Variants in DACH1 observed in about 807,000 individuals in gnomAD.
DACH1 encodes the protein dachshund family transcription factor 1, also known as dachshund homolog 1.
In DACH1, 12 loss-of-function variants were observed where a neutral mutation model predicts 54.2. The ratio of observed to expected loss-of-function variants is 0.22; its 90% CI spans 0.14 to 0.36. The LOEUF (loss-of-function observed/expected upper bound fraction) is 0.36. Among genes scored for constraint, DACH1 ranks in the 10% least tolerant of loss-of-function variants. DACH1 has a pLI of 1.00. For missense variants in DACH1, 805 were observed against 929.8 expected, an observed-to-expected ratio of 0.87 and a Z score of 1.75; for synonymous variants, 386 against 366.2, an observed-to-expected ratio of 1.05 and a Z score of -0.62.
intron 6 of DACH1, among the ~76,000 whole-genome samples, chr13:71,512,625 A>T (rs919482896): frequency 6.6e-6 from 1 of 151,968 alleles, no homozygotes; most frequent in Admixed American, 6.6e-5. Flanking sequence ...TTGGATCTCA[A>T]AGTGTTCAAT....
chr13:71,832,836 G>T (rs574442217), intron 1 of DACH1, among the ~76,000 whole-genome samples: 30 of 151,944 alleles, frequency 2.0e-4, no homozygotes, highest in African/African-American at 6.3e-4. Context: ...AAATGACCAA[G>T]CCAACATTAA....
intron 1 of DACH1, among the ~76,000 whole-genome samples, chr13:71,863,739 T>C (rs751236467): frequency 1.3e-5 from 2 of 151,754 alleles, no homozygotes; most frequent in Non-Finnish European, 2.9e-5. Context: ...ATAACATTTA[T>C]TATAATGCAG....
chr13:71,560,017 A>G (rs1884490441), intron 4 of DACH1, 62 bp from the exon 5 acceptor site: 29 of 1,416,850 alleles, frequency 2.0e-5, no homozygotes, highest in Non-Finnish European at 2.7e-5. Context: ...ATCTTTACTT[A>G]ATGAATGTTG....
At chr13:71,774,261 A>G (rs758415841) in intron 1 of DACH1, among the ~76,000 whole-genome samples, 8 of 152,182 alleles carry the variant, frequency 5.3e-5, no homozygotes, top group Non-Finnish European at 1.0e-4. Context: ...ATTAGCTTCT[A>G]AGGTAGAAGC....
chr13:71,769,798 G>T (rs1041501927), intron 1 of DACH1, among the ~76,000 whole-genome samples: 3 of 151,542 alleles, frequency 2.0e-5, no homozygotes, highest in African/African-American at 7.2e-5. Context: ...AAATATATCA[G>T]TTATTGGTTG....
chr13:71,601,183 T>C (rs1199691251), intron 3 of DACH1, among the ~76,000 whole-genome samples: 1 of 152,090 alleles, frequency 6.6e-6, no homozygotes, highest in South Asian at 2.1e-4. Context: ...TTTATTTACA[T>C]GTGTCCTTGC....
chr13:71,506,293 C>T (rs1387490543), intron 6 of DACH1, among the ~76,000 whole-genome samples: 9 of 124,138 alleles, frequency 7.3e-5, no homozygotes, highest in East Asian at 2.8e-4. Flanking sequence ...CCCCTCCCCC[C>T]GCCCCACAAC....
intron 1 of DACH1, among the ~76,000 whole-genome samples, chr13:71,811,526 A>G (rs547802108): frequency 6.6e-6 from 1 of 152,154 alleles, no homozygotes; most frequent in Non-Finnish European, 1.5e-5. Context: ...GTTTGCTACT[A>G]TTCTATCATT....
At chr13:71,822,172 T>A (rs1273769428) in intron 1 of DACH1, among the ~76,000 whole-genome samples, 1 of 152,174 alleles carries the variant, frequency 6.6e-6, no homozygotes, top group African/African-American at 2.4e-5. Context: ...CTAAATGTGC[T>A]TATGAGTCTT....
rs186168215 is a variant in DACH1 at position 71,599,854 on chromosome 13, C to T, written c.1127-26842G>A. Among the ~76,000 whole-genome samples the T allele has an allele frequency of 3.2e-3, 477 of 151,208 alleles. 6 individuals carry two copies. The highest frequency in any genetic ancestry group is 0.01 in the African/African-American group (416 of 41,292). ...ACACACACACACACACACACACACA[C>T]GCACACACATAAGATAATTTAGAGG... On this transcript the variant is annotated intron_variant, in intron 3 of 10. Transcript: ENST00000613252.
chr13:71,568,862 T>C (rs1453235780), intron 4 of DACH1, among the ~76,000 whole-genome samples: 1 of 152,082 alleles, frequency 6.6e-6, no homozygotes, highest in Admixed American at 6.6e-5. Flanking sequence ...TTTATAATTA[T>C]TTAATATATC....
intron 5 of DACH1, among the ~76,000 whole-genome samples, chr13:71,557,794 T>TA (rs1266517330): frequency 2.5e-5 from 2 of 81,516 alleles, no homozygotes; most frequent in East Asian, 3.2e-4. Flanking sequence ...AAAGGAAACA[T>TA]AAAAAAATCC....
intron 1 of DACH1, among the ~76,000 whole-genome samples, chr13:71,757,963 T>C (rs1885238665): frequency 6.6e-6 from 1 of 152,158 alleles, no homozygotes; most frequent in Admixed American, 6.5e-5. Flanking sequence ...GGACTTAATT[T>C]ACAAAATATA....
At chr13:71,646,739 C>CCT (rs1878300329) in intron 2 of DACH1, among the ~76,000 whole-genome samples, 1 of 152,094 alleles carries the variant, frequency 6.6e-6, no homozygotes, top group African/African-American at 2.4e-5. Context: ...ATTCAAGGTA[C>CCT]CTCAATTTGT....
intron 4 of DACH1, among the ~76,000 whole-genome samples, chr13:71,565,418 G>A (rs1884841322): frequency 6.6e-6 from 1 of 152,088 alleles, no homozygotes; most frequent in South Asian, 2.1e-4. Context: ...TCCCCATGGA[G>A]CATATATCAC....
At chr13:71,705,607 AAT>A (rs1566446020) in intron 1 of DACH1, among the ~76,000 whole-genome samples, 5 of 152,216 alleles carry the variant, frequency 3.3e-5, no homozygotes, top group African/African-American at 1.2e-4. Flanking sequence ...CCTATCAATG[AAT>A]GTATAGGCAG....
At chr13:71,633,360 T>C (rs769584897) in intron 2 of DACH1, among the ~76,000 whole-genome samples, 40 of 152,192 alleles carry the variant, frequency 2.6e-4, no homozygotes, top group Non-Finnish European at 5.1e-4. Flanking sequence ...TCTAGTTTGT[T>C]AAAAAGAAAG....
intron 1 of DACH1, among the ~76,000 whole-genome samples, chr13:71,727,890 T>G (rs1362668454): frequency 6.6e-6 from 1 of 152,128 alleles, no homozygotes; most frequent in African/African-American, 2.4e-5. Flanking sequence ...AAGCATACTG[T>G]GTTAATTCAC....
chr13:71,651,280 T>G (rs915915522), intron 2 of DACH1, among the ~76,000 whole-genome samples: 1 of 151,768 alleles, frequency 6.6e-6, no homozygotes, highest in Admixed American at 6.6e-5. Context: ...GGTCAGTGGA[T>G]TGCTTGAGCC....
Sources: allele counts gnomAD v4.1 joint callset (sites outside exome capture counted in the v4.1 genomes callset), GRCh38; gene constraint gnomAD v4.1.1; transcripts MANE v1.5; gene names NCBI Gene and HGNC (gene_info 2026-07-23, HGNC 2026-07-21).